Variants in DAB1 observed in about 807,000 individuals in gnomAD.
DAB1 encodes the protein disabled homolog 1.
Under a neutral mutation model 64.6 loss-of-function variants are expected in DAB1, and 15 were observed. The observed-to-expected ratio is 0.23, with a 90% CI of 0.16 to 0.36. DAB1 has a LOEUF of 0.36. DAB1 is among the 10% of genes least tolerant of loss of function. The probability of loss-of-function intolerance (pLI) is 1.00; values close to 1 mark genes in which losing one functional copy is unlikely to be tolerated. For missense variants in DAB1, 596 were observed against 706.7 expected (o/e 0.84, Z 1.78); for synonymous variants, 235 against 251.9 (o/e 0.93, Z 0.64).
chr1:57,829,982 G>T (rs1312668705), intron 1 of DAB1, among the ~76,000 whole-genome samples: 4 of 152,184 alleles, frequency 2.6e-5, no homozygotes, highest in Non-Finnish European at 4.4e-5. Flanking sequence ...AGAGACTGGT[G>T]CTTGTCCAAT....
chr1:57,844,937 A>G (rs548475309), intron 1 of DAB1, among the ~76,000 whole-genome samples: 1 of 152,178 alleles, frequency 6.6e-6, no homozygotes, highest in East Asian at 1.9e-4. Context: ...CCCACTATTG[A>G]CAGCCTTGGG....
At chr1:57,984,216 GAAAGAAAGAAAGAAAGA>G (rs1646145165) in intron 5 of DAB1, among the ~76,000 whole-genome samples, 1 of 141,454 alleles carries the variant, frequency 7.1e-6, no homozygotes, top group Admixed American at 7.0e-5. Flanking sequence ...AAGAAAGAAA[GAAAGAAAGAAAGAAAGA>G]AAGAAAGAAA....
In DAB1 at chr1:57,065,605, C is replaced by T. The variant is rs978028597; in HGVS notation, c.664-2662G>A. Among the ~76,000 whole-genome samples the T allele has an allele frequency of 3.3e-5, 5 of 152,172 alleles. No individual in the cohort carries two copies. In the East Asian group the frequency reaches 9.6e-4, roughly 29 times the overall value. On this transcript the variant is annotated intron_variant, in intron 8 of 14. Coordinates refer to ENST00000371236, the MANE Select transcript of DAB1 (RefSeq NM_001365792.1). ...AATGCCTAATCGCCAAGCATTCAGC[C>T]CATGAGTGCTAAGGTGCATGGTCCT... is the stretch of plus-strand genomic sequence containing the variant.
intron 7 of DAB1, among the ~76,000 whole-genome samples, chr1:57,600,007 G>T (rs1645557432): frequency 6.6e-6 from 1 of 152,094 alleles, no homozygotes; most frequent in Non-Finnish European, 1.5e-5. Flanking sequence ...GCCCTCTAAA[G>T]CTCATTTTTC....
chr1:57,709,677 A>C (rs1351107771), intron 6 of DAB1, among the ~76,000 whole-genome samples: 1 of 152,078 alleles, frequency 6.6e-6, no homozygotes, highest in Non-Finnish European at 1.5e-5. Context: ...GATTTTATAG[A>C]TGAGCTTGAG....
At chr1:57,544,141 T>A (rs116167355) in intron 7 of DAB1, among the ~76,000 whole-genome samples, 250 of 152,200 alleles carry the variant, frequency 1.6e-3, no homozygotes, top group African/African-American at 5.8e-3. Flanking sequence ...AACAAATATG[T>A]ACACTTACAG....
chr1:57,477,861 C>A (rs757668191), intron 7 of DAB1, among the ~76,000 whole-genome samples: 9 of 152,252 alleles, frequency 5.9e-5, no homozygotes, highest in Non-Finnish European at 1.2e-4. Context: ...AAATTACACA[C>A]CTCATCCTAA....
In DAB1 at chr1:57,778,210, T is replaced by C. The variant is rs1036394842; in HGVS notation, n.551+105789A>G. Among the ~76,000 whole-genome samples, 4 of 152,156 alleles carry C rather than the reference T, an allele frequency of 2.6e-5. No homozygotes were observed. The East Asian group carries it at 7.8e-4, about 30-fold the overall frequency. The stretch of plus-strand genomic sequence containing the variant: ...GGCATATCATGATATACACATATGA[T>C]ATGATCATATGCATCTTAAGGGTAA... On this transcript the variant is annotated intron_variant and non_coding_transcript_variant, in intron 6 of 20. Transcript: ENST00000485760.
chr1:58,489,019 C>A (rs570600735), intron 3 of DAB1, among the ~76,000 whole-genome samples: 1 of 152,230 alleles, frequency 6.6e-6, no homozygotes, highest in African/African-American at 2.4e-5. Context: ...GCGTCAGCGA[C>A]GCAGAAGACG....
In DAB1 at chr1:57,783,109, T is replaced by TTC. The variant is rs1553128582; in HGVS notation, n.551+100889_551+100890insGA. Among the ~76,000 whole-genome samples, 10 of 142,112 alleles carry TTC rather than the reference T, an allele frequency of 7.0e-5. 1 individual carries two copies. Among genetic ancestry groups the TTC allele is most frequent in the African/African-American group, 1.8e-4 (7 of 38,678 alleles). The allele number at this position is 142,112 out of a possible 152,430, so 93.2% of individuals were successfully genotyped here. ...TTTCTCTCTCTCTCTCTCTTTTCTT[T>TTC]TTTTTTTTTTTTTTTACAGGGTCTC... On this transcript the variant is annotated intron_variant and non_coding_transcript_variant, in intron 6 of 20. Transcript: ENST00000485760.
At chr1:57,065,452 G>A (rs1418612822) in intron 8 of DAB1, among the ~76,000 whole-genome samples, 5 of 152,180 alleles carry the variant, frequency 3.3e-5, no homozygotes, top group Admixed American at 6.5e-5. Flanking sequence ...TGTAAAGTGT[G>A]CTTTATCTTA....
intron 5 of DAB1, among the ~76,000 whole-genome samples, chr1:57,895,647 C>A (rs1440888196): frequency 6.6e-6 from 1 of 152,110 alleles, no homozygotes; most frequent in Admixed American, 6.6e-5. Context: ...CATTTTAAAC[C>A]TTTTTGTATT....
chr1:58,132,533 G>A (rs1194273441), intron 5 of DAB1, among the ~76,000 whole-genome samples: 1 of 152,170 alleles, frequency 6.6e-6, no homozygotes, highest in Non-Finnish European at 1.5e-5. Flanking sequence ...AGGTTGTCTT[G>A]CTCATACAGC....
intron 2 of DAB1, among the ~76,000 whole-genome samples, chr1:57,281,349 TTTAAC>T (rs1671872734): frequency 6.6e-6 from 1 of 152,128 alleles, no homozygotes; most frequent in Non-Finnish European, 1.5e-5. Context: ...AAAAGTAATC[TTTAAC>T]TTGAGACTAA....
At chr1:58,041,772 T>C (rs769290852) in intron 5 of DAB1, among the ~76,000 whole-genome samples, 1 of 152,196 alleles carries the variant, frequency 6.6e-6, no homozygotes, top group Non-Finnish European at 1.5e-5. Context: ...CTCTAGGCTA[T>C]GAAGGATTAC....
intron 3 of DAB1, among the ~76,000 whole-genome samples, chr1:58,498,905 T>A (rs74413761): frequency 0.015 from 2,227 of 152,186 alleles, 46 homozygotes; most frequent in East Asian, 0.12. Context: ...TATAAATAAC[T>A]GACGTAAATA....
intron 4 of DAB1, among the ~76,000 whole-genome samples, chr1:58,297,986 A>G (rs1662031504): frequency 6.6e-6 from 1 of 152,206 alleles, no homozygotes; most frequent in Admixed American, 6.5e-5. Context: ...CAGATCAACC[A>G]GATGACCCTA....
chr1:57,319,657 T>G (rs1675529523), intron 1 of DAB1, among the ~76,000 whole-genome samples: 1 of 152,190 alleles, frequency 6.6e-6, no homozygotes, highest in Non-Finnish European at 1.5e-5. Flanking sequence ...TTGCCCACTT[T>G]CCTCAGAGAT....
intron 2 of DAB1, among the ~76,000 whole-genome samples, chr1:57,192,402 C>A (rs1664222406): frequency 6.6e-6 from 1 of 151,738 alleles, no homozygotes; most frequent in Non-Finnish European, 1.5e-5. Flanking sequence ...CTTCCACTTA[C>A]TAGATGTATG....
Sources: allele counts gnomAD v4.1 joint callset (sites outside exome capture counted in the v4.1 genomes callset), GRCh38; gene constraint gnomAD v4.1.1; transcripts MANE v1.5; gene names NCBI Gene and HGNC (gene_info 2026-07-23, HGNC 2026-07-21).